The following TMEM217B variants were observed in gnomAD, a reference collection of about 807,000 sequenced individuals.
The protein encoded by TMEM217B is transmembrane protein 217B.
chr6:37,249,126 C>T, the TMEM217B span, among the ~76,000 whole-genome samples: 3 of 152,190 alleles, frequency 2.0e-5, no homozygotes, highest in Admixed American at 2.0e-4. Flanking sequence ...AAATCTTTAA[C>T]TTAATATCTG....
chr6:37,241,138 T>C, the TMEM217B span, among the ~76,000 whole-genome samples: 1 of 149,518 alleles, frequency 6.7e-6, no homozygotes, highest in East Asian at 2.0e-4. Context: ...TTGCTCTGTC[T>C]CCCAGGCTGG....
chr6:37,218,320 C>T, the TMEM217B span: 22 of 1,159,852 alleles, frequency 1.9e-5, no homozygotes, highest in Admixed American at 8.5e-5. Flanking sequence ...AGGTGTGTGC[C>T]GCCACGCCTG....
chr6:37,214,605 C>T, the TMEM217B span, among the ~76,000 whole-genome samples: 30 of 152,278 alleles, frequency 2.0e-4, no homozygotes, highest in East Asian at 5.4e-3. Flanking sequence ...TCCTCTTCCC[C>T]CGCTCCCTAC....
the TMEM217B span, chr6:37,217,824 G>T: frequency 1.0e-6 from 1 of 985,482 alleles, no homozygotes; most frequent in Non-Finnish European, 1.2e-6. Flanking sequence ...GGCTAATGAA[G>T]ATGCCAAGAA....
At chr6:37,228,363 T>C in the TMEM217B span, among the ~76,000 whole-genome samples, 1 of 152,298 alleles carries the variant, frequency 6.6e-6, no homozygotes, top group South Asian at 2.1e-4. Context: ...CAAAACATAT[T>C]TGAGGGCCAT....
chr6:37,247,035 G>C, the TMEM217B span, among the ~76,000 whole-genome samples: 1 of 152,184 alleles, frequency 6.6e-6, no homozygotes, highest in South Asian at 2.1e-4. Flanking sequence ...TATGTGACTA[G>C]AGTGGTCCTT....
chr6:37,252,476 C>T, the TMEM217B span, among the ~76,000 whole-genome samples: 4 of 151,450 alleles, frequency 2.6e-5, no homozygotes, highest in African/African-American at 9.7e-5. Context: ...TGTATACATA[C>T]ATAACATACA....
chr6:37,238,167 GA>G, the TMEM217B span, among the ~76,000 whole-genome samples: 931 of 148,494 alleles, frequency 6.3e-3, 7 homozygotes, highest in African/African-American at 0.021. Context: ...TAAAAACACT[GA>G]AAAAAAAAAA....
the TMEM217B span, among the ~76,000 whole-genome samples, chr6:37,234,102 CTT>C: frequency 0.072 from 9,206 of 127,724 alleles, 872 homozygotes; most frequent in African/African-American, 0.24. Flanking sequence ...TATTAAATGC[CTT>C]TTTTTTTTTT....
At chr6:37,253,236 C>T in the TMEM217B span, among the ~76,000 whole-genome samples, 1 of 152,028 alleles carries the variant, frequency 6.6e-6, no homozygotes, top group African/African-American at 2.4e-5. Flanking sequence ...ATTTACATAA[C>T]TTCTTCTCAT....
At chr6:37,247,092 T>C in the TMEM217B span, among the ~76,000 whole-genome samples, 1 of 152,158 alleles carries the variant, frequency 6.6e-6, no homozygotes, top group East Asian at 1.9e-4. Context: ...AAACTGGCAA[T>C]GAATGTCCCA....
the TMEM217B span, among the ~76,000 whole-genome samples, chr6:37,225,451 G>C: frequency 1.3e-5 from 2 of 152,004 alleles, no homozygotes; most frequent in African/African-American, 4.8e-5. Flanking sequence ...TATGACCTAG[G>C]ATTATGAATA....
the TMEM217B span, chr6:37,219,123 A>C: frequency 1.6e-6 from 2 of 1,252,042 alleles, no homozygotes; most frequent in Non-Finnish European, 2.2e-6. Context: ...CCTTCCCCAA[A>C]TCTACTTTGG....
the TMEM217B span, among the ~76,000 whole-genome samples, chr6:37,245,223 C>T: frequency 3.3e-5 from 5 of 152,204 alleles, no homozygotes; most frequent in East Asian, 1.9e-4. Flanking sequence ...CCTTACAGGG[C>T]GGTAGGTAGC....
the TMEM217B span, among the ~76,000 whole-genome samples, chr6:37,235,658 G>A: frequency 4.6e-5 from 7 of 152,236 alleles, no homozygotes; most frequent in Middle Eastern, 3.4e-3. Flanking sequence ...GAGCCACCAC[G>A]CCTGGCCTAA....
chr6:37,240,882 A>G, the TMEM217B span, among the ~76,000 whole-genome samples: 30 of 152,080 alleles, frequency 2.0e-4, no homozygotes, highest in Admixed American at 6.5e-4. Flanking sequence ...TTAAGATTCT[A>G]TTTTGATTTA....
the TMEM217B span, among the ~76,000 whole-genome samples, chr6:37,238,036 A>G: frequency 1.3e-5 from 2 of 152,284 alleles, no homozygotes; most frequent in African/African-American, 2.4e-5. Flanking sequence ...AGGTGTCTAT[A>G]TATTATTTAC....
chr6:37,212,506 C>T, the TMEM217B span: 1 of 457,044 alleles, frequency 2.2e-6, no homozygotes, highest in South Asian at 1.5e-5. Context: ...GCGTTTCCTG[C>T]CCACAGTCTG....
chr6:37,241,241 C>G, the TMEM217B span, among the ~76,000 whole-genome samples: 1 of 151,690 alleles, frequency 6.6e-6, no homozygotes. Context: ...GACACCATAC[C>G]TGGTTAATTT....
Sources: allele counts gnomAD v4.1 joint callset (sites outside exome capture counted in the v4.1 genomes callset), GRCh38; gene constraint gnomAD v4.1.1; transcripts MANE v1.5; gene names NCBI Gene and HGNC (gene_info 2026-07-23, HGNC 2026-07-21).